Variants in STARD3NL observed in about 807,000 individuals in gnomAD.
STARD3NL encodes STARD3 N-terminal like.
A neutral mutation model predicts 30.9 loss-of-function variants in STARD3NL; 17 were observed. The observed-to-expected ratio is 0.55, with a 90% CI of 0.38 to 0.82. The LOEUF (loss-of-function observed/expected upper bound fraction) is 0.82, where lower values mean the gene tolerates loss of function less well. Ranked by LOEUF, STARD3NL falls within the 40% of genes least tolerant of loss-of-function variation. The probability of loss-of-function intolerance (pLI) is 0.00; values close to 1 mark genes in which losing one functional copy is unlikely to be tolerated. For missense variants in STARD3NL, 234 were observed against 277.6 expected (o/e 0.84, Z 1.12); for synonymous variants, 112 against 100.5 (o/e 1.11, Z -0.69).
chr7:38,189,135 G>T (rs1245555923), intron 1 of STARD3NL, among the ~76,000 whole-genome samples: 1 of 152,060 alleles, frequency 6.6e-6, no homozygotes, highest in Non-Finnish European at 1.5e-5. Context: ...GTGTGTGTGT[G>T]TGTGTCTGGG....
rs573822978 is a variant in STARD3NL, at chr7:38,181,147, T to G, written c.-59+2727T>G. Among the ~76,000 whole-genome samples the G allele has an allele frequency of 5.9e-5, 9 of 152,342 alleles. No individual in the cohort carries two copies. In the South Asian group the frequency reaches 1.7e-3, roughly 28 times the overall value. On this transcript the variant is annotated intron_variant, in intron 1 of 8. Transcript: ENST00000009041. ...ACTTTCTGGATGAATCTAGTCTCTG[T>G]TAATAGAAAGCTGTGGTTTAAAAAT...
intron 1 of STARD3NL, among the ~76,000 whole-genome samples, chr7:38,189,962 T>C (rs1052984680): frequency 6.6e-6 from 1 of 152,250 alleles, no homozygotes; most frequent in African/African-American, 2.4e-5. Flanking sequence ...TCTTTGCCTT[T>C]AAGTGTAGCA....
chr7:38,222,141 TCACACACA>T (rs3223376), intron 7 of STARD3NL, among the ~76,000 whole-genome samples: 23,875 of 144,158 alleles, frequency 0.17, 2,055 homozygotes, highest in Non-Finnish European at 0.2. Flanking sequence ...GTTAATATTT[TCACACACA>T]CACACACACA....
chr7:38,197,848 TGTCA>T, intron 1 of STARD3NL, among the ~76,000 whole-genome samples: 1 of 152,242 alleles, frequency 6.6e-6, no homozygotes. Flanking sequence ...AGTTTATAAA[TGTCA>T]GGTTATTCCC....
intron 1 of STARD3NL, among the ~76,000 whole-genome samples, chr7:38,190,194 G>C (rs1784626453): frequency 6.6e-6 from 1 of 152,126 alleles, no homozygotes; most frequent in African/African-American, 2.4e-5. Context: ...TGGACAAAGG[G>C]GTGATTCATG....
intron 3 of STARD3NL, 74 bp downstream of exon 3, chr7:38,214,508 C>A: frequency 1.1e-6 from 1 of 892,990 alleles, no homozygotes. Flanking sequence ...AAATAGACTT[C>A]AAATTCCATG....
At chr7:38,217,395 A>C (rs1786186304) in intron 6 of STARD3NL, 90 bp downstream of exon 6, 2 of 1,214,816 alleles carry the variant, frequency 1.6e-6, no homozygotes, top group Non-Finnish European at 2.4e-6. Flanking sequence ...ATGGGGCTGC[A>C]AATGGGTAGA....
chr7:38,209,258 AATGAGAG>A (rs1297362437), intron 2 of STARD3NL, among the ~76,000 whole-genome samples: 6 of 152,110 alleles, frequency 3.9e-5, no homozygotes, highest in Admixed American at 6.5e-5. Context: ...GTAGCTATGT[AATGAGAG>A]ATGAAAAGGA....
At position 38,214,360 on chromosome 7, in the gene STARD3NL, A is replaced by C; in HGVS notation, c.229A>C (p.Asn77His). 1 of 1,600,316 alleles carries C rather than the reference A, an allele frequency of 6.2e-7. No homozygotes were observed. Among genetic ancestry groups the C allele is most frequent in the Non-Finnish European group, 8.5e-7 (1 of 1,170,284 alleles). The change falls in exon 3 of 9, where the codon AAT (asparagine) becomes CAT (histidine). Residue 77 changes from asparagine to histidine, a missense_variant. Coordinates refer to ENST00000009041, the MANE Select transcript of STARD3NL (RefSeq NM_032016.4). ...TLLWIIELNV[N>H]GGIENTLEKE... ...TGCTTCTTACTCTCCTTTCTAGGTGAATGGAGGCATTGAGAACACATTAGA... is the reference window on the plus strand; with the variant it reads ...TGCTTCTTACTCTCCTTTCTAGGTGCATGGAGGCATTGAGAACACATTAGA...
intron 7 of STARD3NL, among the ~76,000 whole-genome samples, chr7:38,221,557 T>G (rs1714790563): frequency 6.6e-6 from 1 of 152,214 alleles, no homozygotes; most frequent in African/African-American, 2.4e-5. Context: ...TTACCCAATA[T>G]CACACTAATA....
chr7:38,193,146 A>G (rs1489113248), intron 1 of STARD3NL, among the ~76,000 whole-genome samples: 1 of 152,128 alleles, frequency 6.6e-6, no homozygotes, highest in Non-Finnish European at 1.5e-5. Context: ...TCCAATTAAA[A>G]ACCAATCAAA....
Position 38,215,072 on chromosome 7 carries a change from T to C in STARD3NL, c.348T>C (p.Ala116=). The change falls in exon 4 of 9, where the codon GCT becomes GCC. Residue 116 remains alanine (A), a synonymous_variant. Coordinates refer to ENST00000009041, the MANE Select transcript of STARD3NL (RefSeq NM_032016.4). ...TTAAAGTGTTAATACTTGCATATGCTGTGTGCAGACTGCGCCATTGGTGGG... is the reference window on the plus strand; with the variant it reads ...TTAAAGTGTTAATACTTGCATATGCCGTGTGCAGACTGCGCCATTGGTGGG... ...FRFKVLILAY[A]VCRLRHWWAI... 3 of 1,614,036 alleles carry C rather than the reference T, an allele frequency of 1.9e-6. No individual in the cohort carries two copies. Among genetic ancestry groups the C allele is most frequent in the Non-Finnish European group, 2.5e-6 (3 of 1,179,938 alleles).
At chr7:38,214,660 C>T (rs1359178888) in intron 3 of STARD3NL, among the ~76,000 whole-genome samples, 1 of 152,176 alleles carries the variant, frequency 6.6e-6, no homozygotes, top group Non-Finnish European at 1.5e-5. Context: ...GGGAGGGCAA[C>T]AGAAGGAGCC....
At position 38,182,931 on chromosome 7, in the gene STARD3NL, G is replaced by A. The variant is rs375716846; in HGVS notation, c.-59+4511G>A. ...ACCTTTCATGTTGCAGTAATCATAG[G>A]TTTCTCTGTCCTATATTTTCCAGGA... On this transcript the variant is annotated intron_variant, in intron 1 of 8. Transcript: ENST00000009041. Among the ~76,000 whole-genome samples, 207 of 152,204 alleles carry A rather than the reference G, an allele frequency of 1.4e-3. 1 individual carries two copies. Among genetic ancestry groups the A allele is most frequent in the African/African-American group, 4.7e-3 (195 of 41,538 alleles).
chr7:38,218,652 T>C lies in STARD3NL; in HGVS notation c.554-913T>C, dbSNP rs375146554. ...TTATTTTCATTGTCAGTAGCATGTA[T>C]GACACACATACCTGGTATCTGCTAT... is the stretch of plus-strand genomic sequence containing the variant. On this transcript the variant is annotated intron_variant, in intron 6 of 8. Coordinates refer to ENST00000009041, the MANE Select transcript of STARD3NL (RefSeq NM_032016.4). Among the ~76,000 whole-genome samples the C allele has an allele frequency of 9.8e-5, 15 of 152,340 alleles. No individual in the cohort carries two copies. The South Asian group carries it at 3.1e-3, about 32-fold the overall frequency.
chr7:38,205,737 A>G (rs1270188005), intron 1 of STARD3NL, among the ~76,000 whole-genome samples: 1 of 152,228 alleles, frequency 6.6e-6, no homozygotes, highest in Non-Finnish European at 1.5e-5. Flanking sequence ...TCAATAAATT[A>G]TCACTAAATG....
At chr7:38,194,527 T>C (rs1784824027) in intron 1 of STARD3NL, among the ~76,000 whole-genome samples, 1 of 152,160 alleles carries the variant, frequency 6.6e-6, no homozygotes. Context: ...ATTTTATTCT[T>C]TATTTTAAAA....
At chr7:38,212,535 T>A (rs1251104353) in intron 2 of STARD3NL, among the ~76,000 whole-genome samples, 1 of 152,220 alleles carries the variant, frequency 6.6e-6, no homozygotes, top group Non-Finnish European at 1.5e-5. Flanking sequence ...ACATATTATT[T>A]TGTTTACTGA....
chr7:38,214,225 A>T, intron 2 of STARD3NL, 132 bp from the exon 3 acceptor site: 1 of 581,648 alleles, frequency 1.7e-6, no homozygotes, highest in South Asian at 2.4e-5. Flanking sequence ...AAATTATGAG[A>T]GTTCTTTTCT....
Sources: gnomAD v4.1 joint callset for allele counts (sites outside exome capture counted in the v4.1 genomes callset) on GRCh38, gnomAD v4.1.1 for gene constraint, MANE v1.5 for transcripts, NCBI Gene and HGNC (gene_info 2026-07-23, HGNC 2026-07-21) for gene names.